The following ZNF483 variants were observed in gnomAD, a reference collection of about 807,000 sequenced individuals.
The protein encoded by ZNF483 is zinc finger protein 483.
In ZNF483, 9 loss-of-function variants were observed where a neutral mutation model predicts 28.6. The ratio of observed to expected loss-of-function variants is 0.32; its 90% CI spans 0.19 to 0.55. The LOEUF (loss-of-function observed/expected upper bound fraction) is 0.55. Among genes scored for constraint, ZNF483 ranks in the 20% least tolerant of loss-of-function variants. The pLI, the probability that ZNF483 is intolerant of heterozygous loss-of-function variation, is 0.93. For synonymous variants in ZNF483, 322 were observed against 306.2 expected, an observed-to-expected ratio of 1.05 and a Z score of -0.54; for missense variants, 675 against 871.7, an observed-to-expected ratio of 0.77 and a Z score of 2.84.
In ZNF483 at chr9:111,551,724, A is replaced by T. The variant is rs2132282586; in HGVS notation, c.*8554A>T. ...ACCCCAATTTTTGTTTAAAATTTGC[A>T]TCCACATTAACAAAACTTTTATTAG... On this transcript the variant is annotated 3_prime_UTR_variant, in exon 6 of 6. Transcript: ENST00000309235. Among the ~76,000 whole-genome samples the T allele has an allele frequency of 6.6e-6, 1 of 152,304 alleles. No homozygotes were observed. The highest frequency in any genetic ancestry group is 2.1e-4 in the South Asian group (1 of 4,828).
rs1827768129 is a variant in ZNF483, at chr9:111,544,830, C to T, written c.*1660C>T. ...TCCAACTGAAAAAGGAACTTAAGGC[C>T]CTGAATGAGTGAGGTTTTGGCTTCA... is the stretch of plus-strand genomic sequence containing the variant. On this transcript the variant is annotated 3_prime_UTR_variant, in exon 6 of 6. Coordinates refer to ENST00000309235, the MANE Select transcript of ZNF483 (RefSeq NM_133464.5). Among the ~76,000 whole-genome samples the T allele has an allele frequency of 6.6e-6, 1 of 151,968 alleles. No homozygotes were observed. The highest frequency in any genetic ancestry group is 6.6e-5 in the Admixed American group (1 of 15,246).
chr9:111,540,223 A>G (rs1827639752), intron 5 of ZNF483, among the ~76,000 whole-genome samples: 1 of 152,222 alleles, frequency 6.6e-6, no homozygotes, highest in South Asian at 2.1e-4. Flanking sequence ...GAAAAGAATA[A>G]CAATACAAAT....
In ZNF483 at chr9:111,530,870, C is replaced by T; in HGVS notation, c.413-5C>T. The T allele has an allele frequency of 7.1e-7, 1 of 1,415,900 alleles. No homozygotes were observed. The highest frequency in any genetic ancestry group is 9.5e-7 in the Non-Finnish European group (1 of 1,057,244). 87.7% of individuals were successfully genotyped at this position (1,415,900 alleles called of 1,614,324 possible). A position where few individuals can be genotyped will look rare whatever the true frequency, so the allele number is the denominator to read the frequency against. On this transcript the variant is annotated splice_polypyrimidine_tract_variant and splice_region_variant and intron_variant, in intron 2 of 5. Coordinates refer to ENST00000309235, the MANE Select transcript of ZNF483 (RefSeq NM_133464.5). Reference sequence around the variant, plus strand: ...CGACTGGACTGGTTTTCTCCCCTTTCCTAGATCCAGTCTCTCAAGATTCTA... The same window carrying T: ...CGACTGGACTGGTTTTCTCCCCTTTTCTAGATCCAGTCTCTCAAGATTCTA...
chr9:111,528,020 A>G, intron 2 of ZNF483: 2 of 1,456,836 alleles, frequency 1.4e-6, no homozygotes, highest in Admixed American at 2.8e-5. Context: ...AAGGGATTTT[A>G]TCTTTCTTGT....
chr9:111,562,485 A>G (rs1197307860), intron 5 of ZNF483: 2 of 152,006 alleles, frequency 1.3e-5, no homozygotes, highest in Non-Finnish European at 2.9e-5. Flanking sequence ...CATGTTGGTC[A>G]GGCTGGTCTT....
intron 5 of ZNF483, chr9:111,564,233 T>A: frequency 9.3e-7 from 1 of 1,069,728 alleles, no homozygotes; most frequent in Non-Finnish European, 1.2e-6. Flanking sequence ...GATTATTTGC[T>A]TGAAGTCAGT....
intron 2 of ZNF483, among the ~76,000 whole-genome samples, chr9:111,528,753 G>A (rs948528892): frequency 5.9e-5 from 9 of 152,132 alleles, no homozygotes; most frequent in Non-Finnish European, 1.2e-4. Context: ...GCTAATTAGT[G>A]TATCTCAAAT....
chr9:111,560,445 G>T lies in ZNF483; in HGVS notation c.722-15920G>T, dbSNP rs186919301. ...GCCGAGATCAGGCCACTGCACTCCA[G>T]CCTGGGTGACAGAGCGAGACTCCAT... On this transcript the variant is annotated intron_variant, in intron 5 of 5. Coordinates refer to the ZNF483 transcript ENST00000358151. Among the ~76,000 whole-genome samples, 525 of 138,054 alleles carry T rather than the reference G, an allele frequency of 3.8e-3. 1 individual carries two copies. Among genetic ancestry groups the T allele is most frequent in the African/African-American group, 0.014 (495 of 36,486 alleles). The allele number at this position is 138,054 out of a possible 152,430, so 90.6% of individuals were successfully genotyped here.
At chr9:111,526,822 G>T (rs2132208586) in intron 1 of ZNF483, among the ~76,000 whole-genome samples, 1 of 152,260 alleles carries the variant, frequency 6.6e-6, no homozygotes, top group Non-Finnish European at 1.5e-5. Context: ...AATTATGGCT[G>T]GGCACAGTGG....
Position 111,553,534 on chromosome 9 carries a change from C to T in ZNF483, c.*10364C>T, listed in dbSNP as rs1209321113. ...TCCAAGTAAACACATTGTGATTTTA[C>T]ATCCGTGCATAGAAAAAAAAATCAT... is the stretch of plus-strand genomic sequence containing the variant. On this transcript the variant is annotated 3_prime_UTR_variant, in exon 6 of 6. Transcript: ENST00000309235. 1.3e-5 allele frequency among the ~76,000 whole-genome samples: 2 copies of T among 152,094 alleles called. No homozygotes were observed. The highest frequency in any genetic ancestry group is 2.9e-5 in the Non-Finnish European group (2 of 68,028).
Position 111,570,156 on chromosome 9 carries a change from C to T in ZNF483, c.722-6209C>T, listed in dbSNP as rs777882674. ...CGGGCATCTCCTTGCCAGCGGTAGA[C>T]GACAAAAGCTTCCATGCGAAGCTCC... On this transcript the variant is annotated intron_variant, in intron 5 of 5. Transcript: ENST00000358151. The T allele has an allele frequency of 4.8e-5, 77 of 1,613,912 alleles. 1 individual carries two copies. Among genetic ancestry groups the T allele is most frequent in the African/African-American group, 8.0e-5 (6 of 74,862 alleles).
In ZNF483 at chr9:111,544,466, T is replaced by TGTC; in HGVS notation, c.*1296_*1297insGTC. On this transcript the variant is annotated 3_prime_UTR_variant, in exon 6 of 6. Coordinates refer to ENST00000309235, the MANE Select transcript of ZNF483 (RefSeq NM_133464.5). ...TTATAAGGGCTAACAACACTGGGCT[T>TGTC]TTATTTATGTAAAGCACTCAGCTGG... is the stretch of plus-strand genomic sequence containing the variant. The TGTC allele has an allele frequency of 1.5e-6, 1 of 677,440 alleles. No individual in the cohort carries two copies. The highest frequency in any genetic ancestry group is 1.8e-6 in the Non-Finnish European group (1 of 548,270). 42.0% of individuals were successfully genotyped at this position (677,440 alleles called of 1,614,324 possible).
At chr9:111,576,549 C>T in exon 6 of ZNF483, 1 of 1,169,972 alleles carries the variant, frequency 8.5e-7, no homozygotes, top group South Asian at 1.5e-5. Flanking sequence ...GGGGTATTAG[C>T]TAGTGGAGTG....
chr9:111,536,776 G>A (rs1358354718), intron 5 of ZNF483, among the ~76,000 whole-genome samples: 2 of 149,656 alleles, frequency 1.3e-5, no homozygotes, highest in African/African-American at 4.9e-5. Flanking sequence ...ACTACTAATA[G>A]CCTACTGTTG....
chr9:111,527,923 C>T, intron 2 of ZNF483, 116 bp downstream of exon 2: 1 of 1,574,870 alleles, frequency 6.3e-7, no homozygotes, highest in Non-Finnish European at 8.6e-7. Context: ...GAAGTTGGGA[C>T]TGGGTTTGAA....
chr9:111,538,246 G>A (rs1453080494), intron 5 of ZNF483, among the ~76,000 whole-genome samples: 1 of 151,498 alleles, frequency 6.6e-6, no homozygotes, highest in African/African-American at 2.4e-5. Context: ...TGGGCATGGC[G>A]GCTCCCACCT....
In ZNF483 at chr9:111,542,481, A is replaced by G. The variant is rs1827698092; in HGVS notation, c.1546A>G (p.Ile516Val). Residue 516 changes from isoleucine (I) to valine (V), a missense_variant, in exon 6 of 6, where the codon ATT becomes GTT. Physicochemically the swap from Ile to Val is conservative, Grantham distance 29 (BLOSUM62 3). Around this residue, in one of 6 missense-constraint regions of ZNF483, gnomAD observed 41 missense variants for 69.0 expected, o/e 0.59. Coordinates refer to ENST00000309235, the MANE Select transcript of ZNF483 (RefSeq NM_133464.5). This position sits in a 1 kb window ranked among gnomAD's most constrained non-coding sequence, Gnocchi z 6.2. Reference protein sequence around the residue: ...LSAHLIKHQRIHTGEKPYKCK... With the variant: ...LSAHLIKHQRVHTGEKPYKCK... ...TGCTCACCTCATTAAACATCAGAGA[A>G]TTCATACTGGAGAAAAACCTTATAA... The G allele has an allele frequency of 1.9e-6, 3 of 1,614,198 alleles. No homozygotes were observed. The highest frequency in any genetic ancestry group is 2.5e-6 in the Non-Finnish European group (3 of 1,180,036).
At chr9:111,565,331 T>C (rs1160708602) in intron 5 of ZNF483, among the ~76,000 whole-genome samples, 1 of 152,140 alleles carries the variant, frequency 6.6e-6, no homozygotes, top group Non-Finnish European at 1.5e-5. Flanking sequence ...ACTTCTAGCC[T>C]CCAGAACTGT....
downstream of ZNF483, among the ~76,000 whole-genome samples, chr9:111,558,955 C>G (rs537779695): frequency 1.3e-5 from 2 of 152,226 alleles, no homozygotes; most frequent in South Asian, 2.1e-4. Flanking sequence ...ACCACTACCC[C>G]CTCTCCTGCA....
Sources: allele counts gnomAD v4.1 joint callset (sites outside exome capture counted in the v4.1 genomes callset), GRCh38; gene constraint gnomAD v4.1.1; regional missense constraint gnomAD v4.1.1; non-coding constraint Gnocchi (gnomAD v3.1); transcripts MANE v1.5; gene names NCBI Gene and HGNC (gene_info 2026-07-23, HGNC 2026-07-21).